CUX1: variants seen among roughly 807,000 people sequenced by gnomAD.
CUX1 encodes protein CASP.
Under a neutral mutation model 158.8 loss-of-function variants are expected in CUX1, and 31 were observed. The observed-to-expected ratio is 0.20, with a 90% confidence interval of 0.15 to 0.26. CUX1 has a LOEUF of 0.26. CUX1 is among the 10% of genes least tolerant of loss of function. The pLI, the probability that CUX1 is intolerant of heterozygous loss-of-function variation, is 1.00. For missense variants in CUX1, 1,589 were observed against 2,014.6 expected (o/e 0.79, Z 4.04); for synonymous variants, 879 against 862.1 (o/e 1.02, Z -0.34).
rs546814876 is a variant in CUX1 at position 101,869,389 on chromosome 7, G to A, written c.31-46726G>A. Among the ~76,000 whole-genome samples, 6 of 152,312 alleles carry A rather than the reference G, an allele frequency of 3.9e-5. No homozygotes were observed. The highest frequency in any genetic ancestry group is 4.1e-4 in the South Asian group (2 of 4,826). On this transcript the variant is annotated intron_variant, in intron 1 of 23. Coordinates refer to ENST00000292535, the MANE Select transcript of CUX1 (RefSeq NM_181552.4). This position sits in a 1 kb window ranked among gnomAD's most constrained non-coding sequence, Gnocchi z 4.5. Reference sequence around the variant, plus strand: ...CACACAGTAGGTGCTTAATAAACACGTGGACTGAACACAAGAGGTTGAGGG... The same window carrying A: ...CACACAGTAGGTGCTTAATAAACACATGGACTGAACACAAGAGGTTGAGGG...
At chr7:102,166,133 G>A (rs1387196169) in intron 9 of CUX1, among the ~76,000 whole-genome samples, 3 of 152,212 alleles carry the variant, frequency 2.0e-5, no homozygotes, top group Non-Finnish European at 4.4e-5. Flanking sequence ...ATCGCCAGGT[G>A]ATGGGCATCG....
intron 20 of CUX1, among the ~76,000 whole-genome samples, chr7:102,220,052 A>G (rs1282703534): frequency 1.3e-5 from 2 of 152,196 alleles, no homozygotes; most frequent in African/African-American, 4.8e-5. Flanking sequence ...TATGACCAAA[A>G]TACAGGAGGC....
intron 2 of CUX1, among the ~76,000 whole-genome samples, chr7:101,951,218 C>T (rs1809018044): frequency 6.6e-6 from 1 of 151,896 alleles, no homozygotes; most frequent in African/African-American, 2.4e-5. Context: ...GTGGTCCCAA[C>T]CACTTGGGAG....
At chr7:102,104,522 C>G in intron 6 of CUX1, 63 bp downstream of exon 6, 1 of 1,580,096 alleles carries the variant, frequency 6.3e-7, no homozygotes, top group Non-Finnish European at 8.6e-7. Flanking sequence ...TTCACATCAT[C>G]AGACATGTTG....
At chr7:101,860,737 CT>C (rs1797358885) in intron 1 of CUX1, among the ~76,000 whole-genome samples, 56 of 78,066 alleles carry the variant, frequency 7.2e-4, no homozygotes, top group African/African-American at 2.4e-3. Flanking sequence ...CCCTTCCTCC[CT>C]TCCTTCCTTC....
downstream of CUX1, among the ~76,000 whole-genome samples, chr7:102,262,429 T>TGGATGGATGGATGGATGGATG (rs1554544083): frequency 7.8e-4 from 97 of 124,980 alleles, no homozygotes; most frequent in Middle Eastern, 4.5e-3. Context: ...GATGGATGGA[T>TGGATGGATGGATGGATGGATG]AACTCACAGG....
intron 23 of CUX1, among the ~76,000 whole-genome samples, chr7:102,242,549 T>A (rs1455922748): frequency 6.6e-6 from 1 of 152,210 alleles, no homozygotes; most frequent in East Asian, 1.9e-4. Flanking sequence ...GCGTGCACTT[T>A]GAAGTCTCCT....
chr7:102,045,440 G>A (rs1221305777), intron 3 of CUX1, among the ~76,000 whole-genome samples: 2 of 152,236 alleles, frequency 1.3e-5, no homozygotes, highest in Non-Finnish European at 2.9e-5. Flanking sequence ...CTGCGCCCGC[G>A]CGCCCCCTCC....
At chr7:102,164,781 CCAT>C (rs530317765) in intron 9 of CUX1, among the ~76,000 whole-genome samples, 321 of 152,256 alleles carry the variant, frequency 2.1e-3, no homozygotes, top group Non-Finnish European at 3.8e-3. Context: ...GGGCCTTAGC[CCAT>C]CATCAGCTCC....
intron 3 of CUX1, among the ~76,000 whole-genome samples, chr7:102,036,155 C>G (rs576377606): frequency 1.3e-5 from 2 of 152,088 alleles, no homozygotes; most frequent in East Asian, 3.9e-4. Flanking sequence ...TTAGTAAAGA[C>G]GGTTTCGCCA....
intron 1 of CUX1, among the ~76,000 whole-genome samples, chr7:101,899,476 C>T (rs888004965): frequency 6.6e-6 from 1 of 152,112 alleles, no homozygotes. Flanking sequence ...CTCTTGAACC[C>T]AGGAGGCAGA....
intron 2 of CUX1, among the ~76,000 whole-genome samples, chr7:101,984,496 CAAAAAA>C (rs569101693): frequency 1.8e-5 from 2 of 111,668 alleles, no homozygotes; most frequent in Non-Finnish European, 1.8e-5. Flanking sequence ...TGTTCTCCGG[CAAAAAA>C]AAAAAAAAAA....
intron 7 of CUX1, 133 bp downstream of exon 7, chr7:102,111,907 G>C (rs1465192308): frequency 4.2e-6 from 3 of 707,160 alleles, no homozygotes; most frequent in Admixed American, 5.1e-5. Flanking sequence ...GGGAGCCCAC[G>C]CTGAAGAATT....
At chr7:101,995,108 A>G (rs1471837490) in intron 2 of CUX1, among the ~76,000 whole-genome samples, 1 of 152,038 alleles carries the variant, frequency 6.6e-6, no homozygotes, top group African/African-American at 2.4e-5. Context: ...ATTAAAAGAG[A>G]GAGAGAAACA....
downstream of CUX1, chr7:102,258,328 G>A (rs909615149): frequency 2.0e-5 from 7 of 352,622 alleles, no homozygotes; most frequent in East Asian, 1.7e-4. Context: ...AAGAATCGCC[G>A]TTCCCGAGGT....
At chr7:102,060,580 CATATATATATAT>C (rs1041452973) in intron 3 of CUX1, among the ~76,000 whole-genome samples, 6 of 119,150 alleles carry the variant, frequency 5.0e-5, no homozygotes, top group Admixed American at 3.6e-4. Flanking sequence ...CACATATATA[CATATATATATAT>C]ACACACACAC....
intron 1 of CUX1, among the ~76,000 whole-genome samples, chr7:101,887,842 C>CCTTTTTTT (rs1562966470): frequency 5.9e-5 from 8 of 135,036 alleles, no homozygotes; most frequent in Non-Finnish European, 8.0e-5. Flanking sequence ...ATGACGGTGA[C>CCTTTTTTT]ATTTTTTTTT....
chr7:101,941,631 G>C (rs1161775225), intron 2 of CUX1, among the ~76,000 whole-genome samples: 1 of 152,186 alleles, frequency 6.6e-6, no homozygotes, highest in East Asian at 1.9e-4. Context: ...TCTGAGACTG[G>C]ATCCCTCTCT....
At chr7:102,240,400 C>G (rs1050100268) in intron 23 of CUX1, among the ~76,000 whole-genome samples, 1 of 152,086 alleles carries the variant, frequency 6.6e-6, no homozygotes, top group African/African-American at 2.4e-5. Flanking sequence ...TCCTGAGTAG[C>G]TAGGATGCCA....
Sources: allele counts gnomAD v4.1 joint callset (sites outside exome capture counted in the v4.1 genomes callset), GRCh38; gene constraint gnomAD v4.1.1; non-coding constraint Gnocchi (gnomAD v3.1); transcripts MANE v1.5; gene names NCBI Gene and HGNC (gene_info 2026-07-23, HGNC 2026-07-21).